The following ZNF652 variants were observed in gnomAD, a reference collection of about 807,000 sequenced individuals.
ZNF652 encodes the protein zinc finger protein 652.
A neutral mutation model predicts 45.2 loss-of-function variants in ZNF652; 16 were observed. That is an observed-to-expected ratio of 0.35 (90% CI 0.24 to 0.54). The LOEUF (loss-of-function observed/expected upper bound fraction) is 0.54. ZNF652 is among the 20% of genes least tolerant of loss of function. The pLI is 0.91. For missense variants in ZNF652, 614 were observed against 765.6 expected, an observed-to-expected ratio of 0.80 and a Z score of 2.34; for synonymous variants, 250 against 260.6, an observed-to-expected ratio of 0.96 and a Z score of 0.39.
At chr17:49,358,129 T>C (rs532452427) in intron 1 of ZNF652, among the ~76,000 whole-genome samples, 10 of 152,326 alleles carry the variant, frequency 6.6e-5, no homozygotes, top group Admixed American at 6.5e-4. Context: ...CAAATTCCAT[T>C]CTGCTGCTGA....
intron 1 of ZNF652, among the ~76,000 whole-genome samples, chr17:49,335,632 T>C (rs1229425201): frequency 1.3e-5 from 2 of 152,210 alleles, no homozygotes; most frequent in Non-Finnish European, 2.9e-5. Context: ...TAATCAAATA[T>C]ATATATAACA....
At chr17:49,309,843 T>A (rs1034852921) in intron 5 of ZNF652, among the ~76,000 whole-genome samples, 1 of 152,194 alleles carries the variant, frequency 6.6e-6, no homozygotes, top group African/African-American at 2.4e-5. Flanking sequence ...TAGGTAGGCA[T>A]TTTTCTTTGG....
intron 1 of ZNF652, among the ~76,000 whole-genome samples, chr17:49,351,000 TATATATATATATATACAC>T (rs1372406766): frequency 2.1e-3 from 42 of 20,352 alleles, no homozygotes; most frequent in African/African-American, 0.011. Flanking sequence ...TATATATATA[TATATATATATATATACAC>T]ACACACACAC....
At position 49,291,737 on chromosome 17, in the gene ZNF652, A is replaced by T. The variant is rs4794036; in HGVS notation, c.*6676T>A. 6.6e-6 allele frequency: 1 copy of T among 151,962 alleles called. No individual in the cohort carries two copies. Among genetic ancestry groups the T allele is most frequent in the Admixed American group, 6.6e-5 (1 of 15,260 alleles). The allele number at this position is 151,962 out of a possible 1,614,324, so 9.4% of individuals were successfully genotyped here. On this transcript the variant is annotated 3_prime_UTR_variant, in exon 6 of 6. Coordinates refer to ENST00000430262, the MANE Select transcript of ZNF652 (RefSeq NM_001145365.3). ...CAAATTTTAAAGTAGATACTAAGTT[A>T]CTAGTTACTATCCAAGAGGCAAACT...
In ZNF652 at chr17:49,298,363, G is replaced by C. The variant is rs372686734; in HGVS notation, c.*50C>G. ...ATGCTCACCGACTCCCTCTGTGCAC[G>C]CTCACACATGGGGACGTGTCTCCTG... On this transcript the variant is annotated 3_prime_UTR_variant, in exon 6 of 6. Transcript: ENST00000430262. The C allele has an allele frequency of 7.5e-6, 12 of 1,606,606 alleles. No homozygotes were observed. The highest frequency in any genetic ancestry group is 9.3e-6 in the Non-Finnish European group (11 of 1,177,062).
At chr17:49,336,496 A>C (rs548018072) in intron 1 of ZNF652, among the ~76,000 whole-genome samples, 14 of 146,352 alleles carry the variant, frequency 9.6e-5, no homozygotes, top group African/African-American at 3.6e-4. Flanking sequence ...CGCCCAGCTA[A>C]CTTTTGTATT....
intron 5 of ZNF652, among the ~76,000 whole-genome samples, chr17:49,310,834 G>A (rs1426881823): frequency 2.0e-5 from 3 of 152,160 alleles, no homozygotes; most frequent in Non-Finnish European, 2.9e-5. Context: ...CCTGGGAGGC[G>A]GAGGCTGCAG....
At chr17:49,330,556 C>T (rs2070012081) in intron 1 of ZNF652, among the ~76,000 whole-genome samples, 1 of 151,688 alleles carries the variant, frequency 6.6e-6, no homozygotes, top group Non-Finnish European at 1.5e-5. Flanking sequence ...ACTATGTTGC[C>T]CAGGCTGGTC....
intron 1 of ZNF652, among the ~76,000 whole-genome samples, chr17:49,360,037 T>C (rs917979656): frequency 1.1e-4 from 17 of 152,194 alleles, no homozygotes; most frequent in Admixed American, 6.5e-5. Context: ...GCCAGGAACA[T>C]ACATTACCAA....
chr17:49,354,905 T>C (rs1390621213), intron 1 of ZNF652, among the ~76,000 whole-genome samples: 2 of 152,006 alleles, frequency 1.3e-5, no homozygotes, highest in Admixed American at 6.6e-5. Context: ...TTTGTAATTT[T>C]AGTAGAGATG....
intron 1 of ZNF652, among the ~76,000 whole-genome samples, chr17:49,356,290 G>A (rs984720834): frequency 5.9e-5 from 9 of 151,434 alleles, no homozygotes; most frequent in African/African-American, 7.3e-5. Flanking sequence ...AGCCAGGCAC[G>A]GTGGCAGGCG....
intron 1 of ZNF652, among the ~76,000 whole-genome samples, chr17:49,355,351 G>A (rs1237368800): frequency 2.0e-5 from 3 of 151,568 alleles, no homozygotes; most frequent in South Asian, 4.2e-4. Flanking sequence ...TTGGGAGGCC[G>A]AGAGGAGAGA....
At chr17:49,319,933 C>T (rs2143812267) in intron 1 of ZNF652, among the ~76,000 whole-genome samples, 1 of 152,216 alleles carries the variant, frequency 6.6e-6, no homozygotes, top group Non-Finnish European at 1.5e-5. Context: ...AATGTATTGG[C>T]CGTACTCCAA....
At chr17:49,325,798 T>C (rs1598301441) in intron 1 of ZNF652, among the ~76,000 whole-genome samples, 1 of 152,120 alleles carries the variant, frequency 6.6e-6, no homozygotes, top group Non-Finnish European at 1.5e-5. Context: ...TGCTACTGTT[T>C]TTATTATGGT....
chr17:49,334,715 G>A (rs1200278029), intron 1 of ZNF652, among the ~76,000 whole-genome samples: 1 of 151,190 alleles, frequency 6.6e-6, no homozygotes, highest in Non-Finnish European at 1.5e-5. Flanking sequence ...GGAGGCAGAG[G>A]TTGCAGTGAG....
At chr17:49,343,085 T>G (rs2070166957) in intron 1 of ZNF652, among the ~76,000 whole-genome samples, 1 of 152,102 alleles carries the variant, frequency 6.6e-6, no homozygotes, top group African/African-American at 2.4e-5. Flanking sequence ...TTTCACTATG[T>G]TGGCCAGGTT....
intron 1 of ZNF652, among the ~76,000 whole-genome samples, chr17:49,348,047 A>T (rs925144032): frequency 1.3e-5 from 2 of 151,976 alleles, no homozygotes; most frequent in Non-Finnish European, 2.9e-5. Flanking sequence ...CACCCTACCA[A>T]ACCTTAATCT....
chr17:49,354,615 A>C lies in ZNF652; in HGVS notation c.-259+7294T>G, dbSNP rs147023303. Among the ~76,000 whole-genome samples, 336 of 151,464 alleles carry C rather than the reference A, an allele frequency of 2.2e-3. 8 individuals carry two copies. The East Asian group carries it at 0.04, about 18-fold the overall frequency. On this transcript the variant is annotated intron_variant, in intron 1 of 5. Transcript: ENST00000430262. ...ATGGAAGCAAGACTCCGCCTCAAAAAAAAAAAACAAAAAAACAAAAAAACA... is the reference window on the plus strand; with the variant it reads ...ATGGAAGCAAGACTCCGCCTCAAAACAAAAAAACAAAAAAACAAAAAAACA...
chr17:49,308,795 C>T (rs929768912), intron 5 of ZNF652, among the ~76,000 whole-genome samples: 8 of 149,380 alleles, frequency 5.4e-5, no homozygotes, highest in South Asian at 4.2e-4. Flanking sequence ...GAGCAATAGT[C>T]CGTCTCAAAA....
Sources: gnomAD v4.1 joint callset for allele counts (sites outside exome capture counted in the v4.1 genomes callset) on GRCh38, gnomAD v4.1.1 for gene constraint, MANE v1.5 for transcripts, NCBI Gene and HGNC (gene_info 2026-07-23, HGNC 2026-07-21) for gene names.